Variants in CDK14 observed in about 807,000 individuals in gnomAD.
The protein encoded by CDK14 is cyclin dependent kinase 14, also known as cyclin-dependent kinase 14.
Under a neutral mutation model 60.7 loss-of-function variants are expected in CDK14, and 34 were observed. That is an observed-to-expected ratio of 0.56 (90% CI 0.43 to 0.75). The LOEUF (loss-of-function observed/expected upper bound fraction) is 0.75, where lower values mean the gene tolerates loss of function less well. CDK14 is among the 30% of genes least tolerant of loss of function. CDK14 has a pLI of 0.00. For synonymous variants in CDK14, 197 were observed against 203.7 expected (o/e 0.97, Z 0.28); for missense variants, 482 against 564.1 (o/e 0.85, Z 1.47).
At chr7:90,641,925 A>AAG (rs1491359365) in intron 2 of CDK14, among the ~76,000 whole-genome samples, 2 of 152,034 alleles carry the variant, frequency 1.3e-5, no homozygotes, top group Admixed American at 1.3e-4. Flanking sequence ...GGTGGCAGAC[A>AAG]AGAGAGAGAG....
intron 14 of CDK14, among the ~76,000 whole-genome samples, chr7:91,204,334 T>C (rs949198736): frequency 6.6e-6 from 1 of 151,982 alleles, no homozygotes; most frequent in Non-Finnish European, 1.5e-5. Context: ...TAGAAGAAAA[T>C]ATAGGGGTAA....
At chr7:91,165,534 A>C (rs1401061250) in intron 14 of CDK14, among the ~76,000 whole-genome samples, 1 of 152,196 alleles carries the variant, frequency 6.6e-6, no homozygotes, top group Admixed American at 6.5e-5. Context: ...AGTGTTCTGT[A>C]CTAAGTCATC....
chr7:90,961,974 CTT>C (rs2117592818), intron 9 of CDK14, among the ~76,000 whole-genome samples: 1 of 152,354 alleles, frequency 6.6e-6, no homozygotes, highest in African/African-American at 2.4e-5. Context: ...TCAGAATAGA[CTT>C]AACACATTTG....
chr7:91,197,875 G>A lies in CDK14; in HGVS notation c.*29-9290G>A, dbSNP rs115780554. On this transcript the variant is annotated intron_variant, in intron 14 of 14. Coordinates refer to ENST00000380050, the MANE Select transcript of CDK14 (RefSeq NM_001287135.2). Reference sequence around the variant, plus strand: ...CCAATTATAATTTTGCATGGAGTGCGTGTTGGAGGGCTTTACATGTAGTAC... The same window carrying A: ...CCAATTATAATTTTGCATGGAGTGCATGTTGGAGGGCTTTACATGTAGTAC... Among the ~76,000 whole-genome samples, 1,338 of 152,324 alleles carry A rather than the reference G, an allele frequency of 8.8e-3. 18 individuals are homozygous for A. Among genetic ancestry groups the A allele is most frequent in the African/African-American group, 0.03 (1,252 of 41,550 alleles).
chr7:91,006,829 C>T (rs1004184918), intron 10 of CDK14, among the ~76,000 whole-genome samples: 2 of 152,192 alleles, frequency 1.3e-5, no homozygotes, highest in African/African-American at 4.8e-5. Flanking sequence ...AAATCAGTCA[C>T]GGATAGCTTT....
At chr7:90,776,446 T>G (rs147427066) in intron 4 of CDK14, among the ~76,000 whole-genome samples, 47 of 152,176 alleles carry the variant, frequency 3.1e-4, no homozygotes, top group Non-Finnish European at 5.7e-4. Flanking sequence ...GATTAAAGTC[T>G]CTCAAAACCG....
At chr7:91,111,528 A>G (rs1292836101) in intron 12 of CDK14, among the ~76,000 whole-genome samples, 1 of 152,210 alleles carries the variant, frequency 6.6e-6, no homozygotes, top group Admixed American at 6.5e-5. Flanking sequence ...AGAGCATGGC[A>G]TATGCAAACC....
intron 14 of CDK14, among the ~76,000 whole-genome samples, chr7:91,163,539 T>G (rs557494767): frequency 6.6e-6 from 1 of 152,350 alleles, no homozygotes; most frequent in South Asian, 2.1e-4. Flanking sequence ...ATTTGATACA[T>G]GCATACAATG....
At chr7:91,086,807 C>A (rs1196061815) in intron 12 of CDK14, among the ~76,000 whole-genome samples, 1 of 152,124 alleles carries the variant, frequency 6.6e-6, no homozygotes, top group Non-Finnish European at 1.5e-5. Flanking sequence ...ATATGTGATA[C>A]CTTTCCTCAA....
At chr7:90,637,625 G>T (rs1198307302) in intron 2 of CDK14, among the ~76,000 whole-genome samples, 1 of 151,930 alleles carries the variant, frequency 6.6e-6, no homozygotes, top group South Asian at 2.1e-4. Flanking sequence ...ATTTGGGGTG[G>T]AGAGTTCTGT....
intron 3 of CDK14, among the ~76,000 whole-genome samples, 186 bp downstream of exon 3, chr7:90,726,998 A>T (rs1802661070): frequency 6.6e-6 from 1 of 152,192 alleles, no homozygotes; most frequent in Admixed American, 6.6e-5. Context: ...ATAAGCACTA[A>T]GCAAGCAAAT....
At chr7:90,905,519 TAAAAC>T (rs1453651191) in intron 7 of CDK14, among the ~76,000 whole-genome samples, 1 of 152,142 alleles carries the variant, frequency 6.6e-6, no homozygotes, top group Non-Finnish European at 1.5e-5. Context: ...TGATGTAATT[TAAAAC>T]AAAACAAAAC....
chr7:90,805,691 A>G (rs1017421311), intron 5 of CDK14, among the ~76,000 whole-genome samples: 40 of 152,232 alleles, frequency 2.6e-4, no homozygotes, highest in African/African-American at 8.4e-4. Context: ...CGTATTGTTA[A>G]GATGACACCT....
intron 11 of CDK14, among the ~76,000 whole-genome samples, chr7:91,070,348 A>G (rs1291326980): frequency 6.6e-6 from 1 of 152,144 alleles, no homozygotes; most frequent in Non-Finnish European, 1.5e-5. Context: ...TGTTTCTAGA[A>G]TAAGAGCTCC....
intron 14 of CDK14, among the ~76,000 whole-genome samples, chr7:91,121,615 GC>G (rs1421391609): frequency 1.3e-5 from 2 of 152,180 alleles, no homozygotes; most frequent in African/African-American, 4.8e-5. Flanking sequence ...GCAGCAGAAA[GC>G]AATTTTGGTT....
chr7:90,743,502 A>G (rs914267579), intron 3 of CDK14, among the ~76,000 whole-genome samples: 3 of 152,152 alleles, frequency 2.0e-5, no homozygotes, highest in African/African-American at 4.8e-5. Context: ...ATTTGAATAC[A>G]TATATTAATT....
chr7:91,164,571 G>A (rs1367159792), intron 14 of CDK14, among the ~76,000 whole-genome samples: 3 of 152,156 alleles, frequency 2.0e-5, no homozygotes, highest in Non-Finnish European at 4.4e-5. Context: ...ATCAAGCTTT[G>A]TGATTTCCTA....
chr7:90,891,549 G>A (rs1406358599), intron 6 of CDK14, among the ~76,000 whole-genome samples: 2 of 152,132 alleles, frequency 1.3e-5, no homozygotes, highest in Non-Finnish European at 2.9e-5. Context: ...TCTATACAAA[G>A]CTTGAATATA....
At chr7:90,805,584 G>A (rs62471263) in intron 5 of CDK14, among the ~76,000 whole-genome samples, 11,133 of 151,838 alleles carry the variant, frequency 0.073, 511 homozygotes, top group South Asian at 0.11. Context: ...AACATATTTA[G>A]AATTTTTGTA....
Sources: gnomAD v4.1 joint callset for allele counts (sites outside exome capture counted in the v4.1 genomes callset) on GRCh38, gnomAD v4.1.1 for gene constraint, MANE v1.5 for transcripts, NCBI Gene and HGNC (gene_info 2026-07-23, HGNC 2026-07-21) for gene names.